The following NRG3 variants were observed in gnomAD, a reference collection of about 807,000 sequenced individuals.
NRG3 encodes neuregulin 3, also known as pro-neuregulin-3, membrane-bound isoform.
In NRG3, 31 loss-of-function variants were observed where a neutral mutation model predicts 66.9. The ratio of observed to expected loss-of-function variants is 0.46; its 90% CI spans 0.35 to 0.63. The LOEUF is 0.63. NRG3 is among the 20% of genes least tolerant of loss of function. The pLI is 0.00. For synonymous variants in NRG3, 393 were observed against 359.4 expected, an observed-to-expected ratio of 1.09 and a Z score of -1.06; for missense variants, 910 against 878.9, an observed-to-expected ratio of 1.04 and a Z score of -0.45.
chr10:81,981,792 C>T (rs944906168), intron 1 of NRG3, among the ~76,000 whole-genome samples: 1 of 152,136 alleles, frequency 6.6e-6, no homozygotes, highest in Non-Finnish European at 1.5e-5. Flanking sequence ...TGAATTCTCC[C>T]ATCCTGTAGA....
intron 1 of NRG3, among the ~76,000 whole-genome samples, chr10:82,319,689 T>G (rs2135115397): frequency 6.6e-6 from 1 of 152,268 alleles, no homozygotes; most frequent in Middle Eastern, 3.4e-3. Flanking sequence ...GAGGCAGTCT[T>G]TCTAATGAAT....
chr10:82,525,480 A>G (rs904607952), intron 2 of NRG3, among the ~76,000 whole-genome samples: 3 of 151,234 alleles, frequency 2.0e-5, no homozygotes, highest in African/African-American at 7.4e-5. Flanking sequence ...ATTGACATCA[A>G]TTAGAAGTTC....
At chr10:81,932,678 T>C (rs957822564) in intron 1 of NRG3, among the ~76,000 whole-genome samples, 3 of 152,160 alleles carry the variant, frequency 2.0e-5, no homozygotes, top group African/African-American at 7.2e-5. Context: ...AAGAAAGGAT[T>C]AGTCATTGCT....
At chr10:81,952,160 GCAGCACAC>G (rs1849422893) in intron 1 of NRG3, among the ~76,000 whole-genome samples, 2 of 152,164 alleles carry the variant, frequency 1.3e-5, no homozygotes, top group Non-Finnish European at 2.9e-5. Flanking sequence ...GTTACTGGGT[GCAGCACAC>G]CAACGTGGCA....
chr10:82,025,616 C>A (rs1489268336), intron 1 of NRG3, among the ~76,000 whole-genome samples: 1 of 152,048 alleles, frequency 6.6e-6, no homozygotes, highest in Non-Finnish European at 1.5e-5. Context: ...CAGGGACTGC[C>A]TGTTCCCTGC....
At chr10:82,176,241 C>A (rs2133167906) in intron 1 of NRG3, among the ~76,000 whole-genome samples, 1 of 152,226 alleles carries the variant, frequency 6.6e-6, no homozygotes, top group East Asian at 1.9e-4. Context: ...GGAAATGTAA[C>A]CTTATATGAA....
chr10:82,140,030 C>T (rs1360975151), intron 1 of NRG3, among the ~76,000 whole-genome samples: 1 of 151,982 alleles, frequency 6.6e-6, no homozygotes. Context: ...AAACAGCAAG[C>T]TTTGAGGAAT....
chr10:82,955,658 T>C (rs1030253258), intron 5 of NRG3, among the ~76,000 whole-genome samples: 2 of 151,794 alleles, frequency 1.3e-5, no homozygotes, highest in African/African-American at 4.9e-5. Flanking sequence ...ATCAGTAAAA[T>C]GTAGACACGG....
chr10:82,099,345 A>G (rs1266526798), intron 1 of NRG3, among the ~76,000 whole-genome samples: 1 of 152,212 alleles, frequency 6.6e-6, no homozygotes, highest in Admixed American at 6.5e-5. Context: ...TTGCCTGTGT[A>G]GGAAAAATCA....
chr10:82,098,272 A>G (rs12243404), intron 1 of NRG3, among the ~76,000 whole-genome samples: 4,131 of 140,124 alleles, frequency 0.029, 198 homozygotes, highest in African/African-American at 0.098. Context: ...TATAGATGTC[A>G]TATATATATG....
chr10:81,877,903 A>G (rs371758765), intron 1 of NRG3: 2 of 1,535,880 alleles, frequency 1.3e-6, no homozygotes, highest in Non-Finnish European at 1.7e-6. Context: ...ATTGAAAATG[A>G]GTCTACCCTG....
chr10:82,858,591 A>G (rs1411704126), intron 3 of NRG3, among the ~76,000 whole-genome samples: 1 of 152,220 alleles, frequency 6.6e-6, no homozygotes, highest in Non-Finnish European at 1.5e-5. Flanking sequence ...CTCAGTTGCA[A>G]TGGACTACCT....
intron 2 of NRG3, among the ~76,000 whole-genome samples, chr10:82,582,662 TTGTGTGTG>T (rs141112949): frequency 1.2e-3 from 178 of 146,472 alleles, no homozygotes; most frequent in Middle Eastern, 0.011. Context: ...TCTATATGTG[TTGTGTGTG>T]TGTGTGTGTG....
intron 2 of NRG3, among the ~76,000 whole-genome samples, chr10:82,448,669 AAGG>A (rs2090867419): frequency 6.6e-6 from 1 of 152,128 alleles, no homozygotes; most frequent in African/African-American, 2.4e-5. Context: ...CCATATCACC[AAGG>A]AGATTTCTTT....
intron 1 of NRG3, among the ~76,000 whole-genome samples, chr10:82,105,108 A>G (rs1590130207): frequency 6.6e-6 from 1 of 152,188 alleles, no homozygotes; most frequent in Non-Finnish European, 1.5e-5. Context: ...ATAATATTTC[A>G]CTAGAAAAAC....
At chr10:82,413,425 T>C (rs2088273744) in intron 2 of NRG3, among the ~76,000 whole-genome samples, 1 of 152,176 alleles carries the variant, frequency 6.6e-6, no homozygotes, top group Admixed American at 6.6e-5. Flanking sequence ...TAAACAGATA[T>C]GCTGCCATCC....
chr10:82,612,646 T>C (rs944562444), intron 2 of NRG3, among the ~76,000 whole-genome samples: 5 of 152,292 alleles, frequency 3.3e-5, no homozygotes, highest in African/African-American at 9.6e-5. Flanking sequence ...CTTTTGAAAA[T>C]TATTTTACTG....
At chr10:82,650,349 C>T (rs930197154) in intron 2 of NRG3, among the ~76,000 whole-genome samples, 6 of 152,130 alleles carry the variant, frequency 3.9e-5, no homozygotes, top group African/African-American at 9.7e-5. Context: ...CTCCTCCCAG[C>T]GAGCTATTAA....
At chr10:82,003,512 A>G (rs2061253833) in intron 1 of NRG3, among the ~76,000 whole-genome samples, 1 of 152,138 alleles carries the variant, frequency 6.6e-6, no homozygotes. Flanking sequence ...TGAGGAGTGA[A>G]CCGTGAGGTT....
Sources: allele counts gnomAD v4.1 joint callset (sites outside exome capture counted in the v4.1 genomes callset), GRCh38; gene constraint gnomAD v4.1.1; transcripts MANE v1.5; gene names NCBI Gene and HGNC (gene_info 2026-07-23, HGNC 2026-07-21).